Variants in PTHLH observed in about 807,000 individuals in gnomAD.
PTHLH encodes parathyroid hormone like hormone, also known as parathyroid hormone-related protein.
Under a neutral mutation model 18.6 loss-of-function variants are expected in PTHLH, and 5 were observed. The ratio of observed to expected loss-of-function variants is 0.27; its 90% CI spans 0.14 to 0.56. The LOEUF (loss-of-function observed/expected upper bound fraction) is 0.56, where lower values mean the gene tolerates loss of function less well. Ranked by LOEUF, PTHLH falls within the 20% of genes least tolerant of loss-of-function variation. The pLI, the probability that PTHLH is intolerant of heterozygous loss-of-function variation, is 0.92. For synonymous variants in PTHLH, 90 were observed against 94.0 expected, an observed-to-expected ratio of 0.96 and a Z score of 0.25; for missense variants, 207 against 223.9, an observed-to-expected ratio of 0.92 and a Z score of 0.48.
intron 4 of PTHLH, among the ~76,000 whole-genome samples, chr12:27,968,573 C>T (rs1385585960): frequency 6.6e-6 from 1 of 152,196 alleles, no homozygotes; most frequent in Non-Finnish European, 1.5e-5. Context: ...GTTACTCTAT[C>T]ACTCTTCCAA....
At chr12:27,960,322 T>C (rs376324765) in intron 5 of PTHLH, among the ~76,000 whole-genome samples, 7 of 152,360 alleles carry the variant, frequency 4.6e-5, no homozygotes, top group East Asian at 1.9e-4. Context: ...ATTTGAAGCA[T>C]TGAAAATTCT....
Position 27,963,601 on chromosome 12 carries a change from G to A in PTHLH, c.271C>T (p.His91Tyr), listed in dbSNP as rs780046816. 5 of 1,614,126 alleles carry A rather than the reference G, an allele frequency of 3.1e-6. No individual in the cohort carries two copies. Among genetic ancestry groups the A allele is most frequent in the Middle Eastern group, 1.6e-4 (1 of 6,062 alleles). The change falls in exon 5 of 6, where the codon CAC becomes TAC. Residue 91 changes from histidine (H) to tyrosine (Y), a missense_variant. By Grantham distance (83) the His-to-Tyr change is moderately conservative (BLOSUM62 2). Coordinates refer to ENST00000545234, the MANE Select transcript of PTHLH (RefSeq NM_198965.2). The stretch of plus-strand genomic sequence containing the variant: ...TCATCAGACCCAAATCGGACGGGGT[G>A]GTTCTTTGTGTTGGGAGAGGGCTTG... ...NSKPSPNTKN[H>Y]PVRFGSDDEG... is the part of the protein sequence containing the mutation.
intron 1 of PTHLH, 56 bp downstream of exon 1, chr12:27,972,463 AAAAT>A (rs1426359536): frequency 6.6e-6 from 1 of 152,238 alleles, no homozygotes; most frequent in Admixed American, 6.5e-5. Context: ...AGACACAGGA[AAAAT>A]AAATAGTCTT....
chr12:27,967,216 A>G (rs2062822316), intron 4 of PTHLH, among the ~76,000 whole-genome samples: 1 of 152,222 alleles, frequency 6.6e-6, no homozygotes, highest in Non-Finnish European at 1.5e-5. Flanking sequence ...AAGAACATCC[A>G]TAGGCCTCAC....
At chr12:27,971,675 T>C (rs1565526930) in intron 2 of PTHLH, among the ~76,000 whole-genome samples, 1 of 151,038 alleles carries the variant, frequency 6.6e-6, no homozygotes, top group Non-Finnish European at 1.5e-5. Flanking sequence ...TTAGGTTGGG[T>C]GGGGGGGCAT....
chr12:27,966,163 C>T (rs1468591214), intron 4 of PTHLH, among the ~76,000 whole-genome samples: 1 of 152,194 alleles, frequency 6.6e-6, no homozygotes, highest in African/African-American at 2.4e-5. Flanking sequence ...CAGTGCCTTC[C>T]TAACTCAAGC....
intron 5 of PTHLH, 74 bp downstream of exon 5, chr12:27,963,274 C>A (rs2062777373): frequency 6.2e-7 from 1 of 1,611,304 alleles, no homozygotes; most frequent in Admixed American, 1.7e-5. Flanking sequence ...TTTGTCCAAG[C>A]CAAGGCAGAA....
Position 27,960,920 on chromosome 12 carries a change from G to A in PTHLH, c.525-2352C>T, listed in dbSNP as rs2062747711. Reference sequence around the variant, plus strand: ...TTTATCTGGATTACAAAACTTGCATGGCCCCATACATTCTCATCAATACAC... The same window carrying A: ...TTTATCTGGATTACAAAACTTGCATAGCCCCATACATTCTCATCAATACAC... On this transcript the variant is annotated intron_variant, in intron 5 of 5. Coordinates refer to ENST00000545234, the MANE Select transcript of PTHLH (RefSeq NM_198965.2). Among the ~76,000 whole-genome samples the A allele has an allele frequency of 3.3e-5, 5 of 152,014 alleles. No individual in the cohort carries two copies. In the South Asian group the frequency reaches 1.0e-3, roughly 32 times the overall value.
At position 27,963,420 on chromosome 12, in the gene PTHLH, C is replaced by G; in HGVS notation, c.452G>C (p.Gly151Ala). ...RRTRSAWLDS[G>A]VTGSGLEGDH... ...CCCTTCTAGCCCACTCCCAGTCACT[C>G]CAGAGTCTAACCAGGCAGAGCGAGT... The change falls in exon 5 of 6, where the codon GGA becomes GCA. Residue 151 changes from glycine to alanine, a missense_variant. Transcript: ENST00000545234. The G allele has an allele frequency of 1.2e-6, 2 of 1,614,166 alleles. No homozygotes were observed. Among genetic ancestry groups the G allele is most frequent in the Non-Finnish European group, 1.7e-6 (2 of 1,180,024 alleles).
intron 4 of PTHLH, among the ~76,000 whole-genome samples, chr12:27,964,263 TCTCTC>T (rs778460752): frequency 0.3 from 17,981 of 59,058 alleles, 1,297 homozygotes; most frequent in African/African-American, 0.39. Flanking sequence ...TCTCTCTCTC[TCTCTC>T]CTCTCTCTCT....
intron 3 of PTHLH, 187 bp from the exon 4 acceptor site, chr12:27,969,703 A>T: frequency 1.3e-6 from 1 of 754,752 alleles, no homozygotes; most frequent in Non-Finnish European, 2.4e-6. Flanking sequence ...CGGCTACTCC[A>T]ACTGTGCTTT....
rs1192470747 is a variant in PTHLH at position 27,958,370 on chromosome 12, A to G, written c.*189T>C. 1 of 408,926 alleles carries G rather than the reference A, an allele frequency of 2.4e-6. No homozygotes were observed. The highest frequency in any genetic ancestry group is 2.7e-5 in the African/African-American group (1 of 37,354). The allele number at this position is 408,926 out of a possible 1,614,324, so 25.3% of individuals were successfully genotyped here. ...AATTATGGTAAATGTGATAATAATA[A>G]TTGGATTAGCCTTGGCAAAAAAAAA... On this transcript the variant is annotated 3_prime_UTR_variant, in exon 6 of 6. Coordinates refer to ENST00000545234, the MANE Select transcript of PTHLH (RefSeq NM_198965.2).
At chr12:27,969,154 C>A in intron 4 of PTHLH, 1 of 549,100 alleles carries the variant, frequency 1.8e-6, no homozygotes, top group Middle Eastern at 4.9e-4. Flanking sequence ...TGAAACGCTC[C>A]CTCTTATGGA....
chr12:27,958,661 T>A (rs2062730691), intron 5 of PTHLH, 93 bp from the exon 6 acceptor site: 1 of 1,228,804 alleles, frequency 8.1e-7, no homozygotes, highest in African/African-American at 1.5e-5. Context: ...AGCTAAGGAA[T>A]GCAAAATCAC....
In PTHLH at chr12:27,969,827, T is replaced by C. The variant is rs182787910; in HGVS notation, c.-23+198A>G. 2.4e-3 allele frequency: 1,301 copies of C among 546,782 alleles called. 16 individuals are homozygous for C. Among genetic ancestry groups the C allele is most frequent in the Admixed American group, 0.023 (1,186 of 52,356 alleles). The allele number at this position is 546,782 out of a possible 1,614,324, so 33.9% of individuals were successfully genotyped here. On this transcript the variant is annotated intron_variant, in intron 3 of 5. Coordinates refer to ENST00000545234, the MANE Select transcript of PTHLH (RefSeq NM_198965.2). The stretch of plus-strand genomic sequence containing the variant: ...GTTTTATATATGCATCAATGATAAG[T>C]AGTGTGTTTACACGTCTCCCATAGC...
At chr12:27,959,943 G>C (rs1417434933) in intron 5 of PTHLH, among the ~76,000 whole-genome samples, 1 of 152,100 alleles carries the variant, frequency 6.6e-6, no homozygotes, top group East Asian at 1.9e-4. Context: ...TGTGAATTGA[G>C]TATAAGAATA....
At chr12:27,970,733 A>G (rs1347027244) in intron 2 of PTHLH, among the ~76,000 whole-genome samples, 2 of 152,076 alleles carry the variant, frequency 1.3e-5, no homozygotes. Flanking sequence ...GGAGGAGGCC[A>G]AGGAGCTGGG....
chr12:27,970,093 T>C lies in PTHLH; in HGVS notation c.-91A>G, dbSNP rs779560801. 3.9e-6 allele frequency: 2 copies of C among 519,008 alleles called. No individual in the cohort carries two copies. The highest frequency in any genetic ancestry group is 1.9e-5 in the Admixed American group (1 of 51,604). 32.2% of individuals were successfully genotyped at this position (519,008 alleles called of 1,614,324 possible). A position where few individuals can be genotyped will look rare whatever the true frequency, so the allele number is the denominator to read the frequency against. ...ACCCTGAGAACAAGTTTCAAGTGCGTGTGTCGTCGATCAGGAGGGCCAGGT... is the reference window on the plus strand; with the variant it reads ...ACCCTGAGAACAAGTTTCAAGTGCGCGTGTCGTCGATCAGGAGGGCCAGGT... On this transcript the variant is annotated 5_prime_UTR_variant, in exon 3 of 6. Transcript: ENST00000545234.
Position 27,970,378 on chromosome 12 carries a change from A to G in PTHLH, c.-265-111T>C, listed in dbSNP as rs1447190782. 9 of 147,934 alleles carry G rather than the reference A, an allele frequency of 6.1e-5. No individual in the cohort carries two copies. The East Asian group carries it at 1.8e-3, about 29-fold the overall frequency. The allele number at this position is 147,934 out of a possible 1,614,324, so 9.2% of individuals were successfully genotyped here. ...GGGCGCGCGGGGGGCGGGGGCGGCG[A>G]CGGGCGGCCCGAACGGGCCCCGCGC... is the stretch of plus-strand genomic sequence containing the variant. On this transcript the variant is annotated intron_variant, in intron 2 of 5. Transcript: ENST00000545234.
Sources: gnomAD v4.1 joint callset for allele counts (sites outside exome capture counted in the v4.1 genomes callset) on GRCh38, gnomAD v4.1.1 for gene constraint, MANE v1.5 for transcripts, NCBI Gene and HGNC (gene_info 2026-07-23, HGNC 2026-07-21) for gene names.